ACTR3C: variants seen among roughly 807,000 people sequenced by gnomAD.
ACTR3C encodes actin-related protein 3C.
ACTR3C carries 18 observed loss-of-function variants against 26.3 expected under a neutral mutation model. The observed-to-expected ratio is 0.68, with a 90% CI of 0.47 to 1.01. ACTR3C has a LOEUF of 1.01. Ranked by LOEUF, ACTR3C falls within the 50% of genes least tolerant of loss-of-function variation. The pLI is 0.00. For synonymous variants in ACTR3C, 55 were observed against 94.5 expected (o/e 0.58, Z 2.42); for missense variants, 184 against 250.7 (o/e 0.73, Z 1.80).
chr7:150,255,728 T>C (rs191027909), intron 6 of ACTR3C, among the ~76,000 whole-genome samples: 130 of 152,294 alleles, frequency 8.5e-4, no homozygotes, highest in African/African-American at 3.1e-3. Context: ...CCTTATAGTA[T>C]AATTTACCCC....
chr7:150,025,974 C>T, the ACTR3C span, among the ~76,000 whole-genome samples: 2 of 152,112 alleles, frequency 1.3e-5, no homozygotes, highest in African/African-American at 2.4e-5. Context: ...GCGAGGCCTT[C>T]GGAGGGTCAC....
At chr7:150,076,216 G>GA in the ACTR3C span, among the ~76,000 whole-genome samples, 324 of 145,362 alleles carry the variant, frequency 2.2e-3, 1 homozygote, top group African/African-American at 4.6e-3. Flanking sequence ...GACATAACAG[G>GA]AAAAAAAAAA....
chr7:150,284,045 C>G (rs1563178391), intron 6 of ACTR3C, among the ~76,000 whole-genome samples: 1 of 151,882 alleles, frequency 6.6e-6, no homozygotes, highest in Non-Finnish European at 1.5e-5. Context: ...TTCTATCTGA[C>G]TGTCCCATTT....
At chr7:149,950,860 CGTCCCTCTTAT>C in the ACTR3C span, among the ~76,000 whole-genome samples, 1 of 81,034 alleles carries the variant, frequency 1.2e-5, no homozygotes, top group Non-Finnish European at 2.3e-5. Context: ...ACATTCCTTA[CGTCCCTCTTAT>C]CACCTAGCCT....
chr7:150,048,498 G>T, the ACTR3C span, among the ~76,000 whole-genome samples: 1 of 152,156 alleles, frequency 6.6e-6, no homozygotes, highest in African/African-American at 2.4e-5. Flanking sequence ...CGGTGGGGGA[G>T]TCCCGGGAGC....
chr7:149,971,782 A>G, the ACTR3C span, among the ~76,000 whole-genome samples: 1 of 152,120 alleles, frequency 6.6e-6, no homozygotes, highest in Non-Finnish European at 1.5e-5. Context: ...TTCTACAGGC[A>G]CTGCTCCTAG....
In ACTR3C at chr7:150,252,122, G is replaced by GTC. The variant is rs202074514; in HGVS notation, c.565-3070_565-3069dup. 6.7e-3 allele frequency among the ~76,000 whole-genome samples: 979 copies of GTC among 146,038 alleles called. 9 individuals carry two copies. Among genetic ancestry groups the GTC allele is most frequent in the African/African-American group, 0.024 (924 of 37,954 alleles). On this transcript the variant is annotated intron_variant, in intron 6 of 7. Transcript: ENST00000683684. ...TCCCTCCGTGTGTGTTTGTGTATGTGTCTGTGTGTGTGTGTGTGTGTGTGC... is the reference window on the plus strand; with the variant it reads ...TCCCTCCGTGTGTGTTTGTGTATGTGTCTCTGTGTGTGTGTGTGTGTGTGTGC...
chr7:150,100,697 TTTTCTTTC>T, the ACTR3C span, among the ~76,000 whole-genome samples: 7 of 149,208 alleles, frequency 4.7e-5, no homozygotes, highest in South Asian at 4.2e-4. Context: ...GAGCTTGAGT[TTTTCTTTC>T]TTTCTTTCTT....
At chr7:149,913,937 G>A in the ACTR3C span, among the ~76,000 whole-genome samples, 1 of 147,992 alleles carries the variant, frequency 6.8e-6, no homozygotes, top group African/African-American at 2.5e-5. Context: ...CCAAGCTGGA[G>A]TACAGTGGTG....
the ACTR3C span, among the ~76,000 whole-genome samples, chr7:150,195,494 A>T: frequency 6.6e-6 from 1 of 152,160 alleles, no homozygotes; most frequent in Non-Finnish European, 1.5e-5. Context: ...TTGTCTAACA[A>T]AGTCTTTATT....
At chr7:150,283,168 C>T (rs985987630) in intron 6 of ACTR3C, among the ~76,000 whole-genome samples, 24 of 147,514 alleles carry the variant, frequency 1.6e-4, no homozygotes, top group Middle Eastern at 6.8e-3. Flanking sequence ...CCGTGAGGAG[C>T]AATCTGTAAC....
At chr7:149,932,749 CG>C in the ACTR3C span, among the ~76,000 whole-genome samples, 1 of 136,674 alleles carries the variant, frequency 7.3e-6, no homozygotes, top group South Asian at 2.3e-4. Flanking sequence ...GACAGCAGGG[CG>C]AGACAGGGCA....
At chr7:150,042,148 C>A in the ACTR3C span, among the ~76,000 whole-genome samples, 1 of 19,704 alleles carries the variant, frequency 5.1e-5, no homozygotes, top group Admixed American at 4.9e-4. Flanking sequence ...AGTGGGGGAA[C>A]CAGGGGCTGG....
the ACTR3C span, among the ~76,000 whole-genome samples, chr7:150,072,078 G>A: frequency 1.6e-3 from 236 of 144,680 alleles, 4 homozygotes; most frequent in African/African-American, 5.7e-3. Context: ...AGAAGATGTG[G>A]GCAAGTCCCT....
intron 6 of ACTR3C, chr7:150,264,743 C>G (rs1287236508): frequency 3.1e-6 from 3 of 975,154 alleles, no homozygotes; most frequent in East Asian, 2.3e-4. Flanking sequence ...GATGGTCTCA[C>G]CAACCAGGTC....
the ACTR3C span, among the ~76,000 whole-genome samples, chr7:149,987,634 G>A: frequency 7.1e-6 from 1 of 139,912 alleles, no homozygotes; most frequent in Non-Finnish European, 1.6e-5. Context: ...ATTTTCATAT[G>A]CTCCTCATTA....
the ACTR3C span, among the ~76,000 whole-genome samples, chr7:149,969,508 AG>A: frequency 6.6e-6 from 1 of 152,162 alleles, no homozygotes; most frequent in African/African-American, 2.4e-5. Flanking sequence ...CTCCAGCGCA[AG>A]TAAAGCCCTT....
At chr7:150,292,334 A>G (rs1836337521) in intron 3 of ACTR3C, among the ~76,000 whole-genome samples, 1 of 151,984 alleles carries the variant, frequency 6.6e-6, no homozygotes, top group Non-Finnish European at 1.5e-5. Context: ...ACATTTTCCA[A>G]AAAAAATGAA....
At chr7:150,068,242 G>T in the ACTR3C span, among the ~76,000 whole-genome samples, 1 of 152,096 alleles carries the variant, frequency 6.6e-6, no homozygotes, top group Non-Finnish European at 1.5e-5. Context: ...TAAAATCAGT[G>T]CTCCCAACGG....
Sources: allele counts gnomAD v4.1 joint callset (sites outside exome capture counted in the v4.1 genomes callset), GRCh38; gene constraint gnomAD v4.1.1; transcripts MANE v1.5; gene names NCBI Gene and HGNC (gene_info 2026-07-23, HGNC 2026-07-21).